The following FMN1 variants were observed in gnomAD, a reference collection of about 807,000 sequenced individuals.
The protein encoded by FMN1 is formin-1.
FMN1 carries 110 observed loss-of-function variants against 132.4 expected under a neutral mutation model. The observed-to-expected ratio is 0.83, with a 90% CI of 0.71 to 0.97. The LOEUF is 0.97. Ranked by LOEUF, FMN1 falls within the 50% of genes least tolerant of loss-of-function variation. The pLI is 0.00. For synonymous variants in FMN1, 722 were observed against 651.7 expected, an observed-to-expected ratio of 1.11 and a Z score of -1.64; for missense variants, 1,792 against 1,705.3, an observed-to-expected ratio of 1.05 and a Z score of -0.90.
intron 6 of FMN1, among the ~76,000 whole-genome samples, chr15:33,018,591 C>A (rs2035214595): frequency 1.3e-5 from 2 of 152,298 alleles, no homozygotes; most frequent in East Asian, 3.9e-4. Context: ...TACGGCCCTT[C>A]CCCCGTACCT....
chr15:32,916,742 G>T (rs770647976), intron 10 of FMN1, among the ~76,000 whole-genome samples: 1 of 152,206 alleles, frequency 6.6e-6, no homozygotes, highest in Non-Finnish European at 1.5e-5. Context: ...AGCAAAGTTT[G>T]ATAGGATTAC....
intron 6 of FMN1, among the ~76,000 whole-genome samples, chr15:33,021,327 T>C (rs1194791704): frequency 1.3e-5 from 2 of 151,594 alleles, no homozygotes; most frequent in African/African-American, 4.8e-5. Context: ...ATTACAGCAA[T>C]AGCTGATGAA....
At chr15:33,090,101 T>C (rs2141364769) in intron 4 of FMN1, among the ~76,000 whole-genome samples, 1 of 152,352 alleles carries the variant, frequency 6.6e-6, no homozygotes, top group East Asian at 1.9e-4. Context: ...CCTAGTCCTC[T>C]TTTAATTCCT....
chr15:32,883,182 C>T (rs1567321680), intron 16 of FMN1, among the ~76,000 whole-genome samples: 2 of 152,046 alleles, frequency 1.3e-5, no homozygotes, highest in East Asian at 1.9e-4. Context: ...ACACATAACC[C>T]CAAATGAAAA....
chr15:32,959,272 A>G (rs2030224433), intron 9 of FMN1, among the ~76,000 whole-genome samples: 1 of 152,140 alleles, frequency 6.6e-6, no homozygotes, highest in Admixed American at 6.6e-5. Flanking sequence ...GAAACTCCTC[A>G]GCTGCTCACC....
intron 7 of FMN1, among the ~76,000 whole-genome samples, chr15:32,989,531 G>C (rs887802080): frequency 6.6e-6 from 1 of 151,710 alleles, no homozygotes; most frequent in Non-Finnish European, 1.5e-5. Context: ...ACCCTTTGTA[G>C]TCAAGTGCAG....
At chr15:32,830,952 A>C (rs1258769) in intron 17 of FMN1, among the ~76,000 whole-genome samples, 58,770 of 151,908 alleles carry the variant, frequency 0.39, 13,899 homozygotes, top group Non-Finnish European at 0.51. Flanking sequence ...TGTATCCTCC[A>C]AACACCCCCC....
intron 2 of FMN1, among the ~76,000 whole-genome samples, chr15:33,193,663 A>C (rs940152138): frequency 6.6e-5 from 10 of 152,076 alleles, no homozygotes; most frequent in Non-Finnish European, 1.0e-4. Context: ...GCCCATTCGG[A>C]GTGTGTGAGT....
chr15:33,015,626 C>A (rs1326436070), intron 6 of FMN1, among the ~76,000 whole-genome samples: 1 of 152,110 alleles, frequency 6.6e-6, no homozygotes, highest in Non-Finnish European at 1.5e-5. Context: ...CCCGCGGATC[C>A]TGATATGTCC....
In FMN1 at chr15:32,930,979, C is replaced by T. The variant is rs79778093; in HGVS notation, c.3139-4718G>A. Among the ~76,000 whole-genome samples the T allele has an allele frequency of 8.4e-3, 1,281 of 152,118 alleles. 14 individuals are homozygous for T. Among genetic ancestry groups the T allele is most frequent in the African/African-American group, 0.029 (1,223 of 41,508 alleles). ...TTCCACATTGTACAGTCTTGGCACC[C>T]TTGTCAAAGAACATTTGCCTGTATA... On this transcript the variant is annotated intron_variant, in intron 9 of 20. Transcript: ENST00000616417.
chr15:33,138,410 G>A (rs1963864647), intron 4 of FMN1, among the ~76,000 whole-genome samples: 1 of 152,040 alleles, frequency 6.6e-6, no homozygotes, highest in Admixed American at 6.6e-5. Context: ...GGCCTATGCA[G>A]GTGTCCCTAT....
intron 12 of FMN1, among the ~76,000 whole-genome samples, chr15:32,902,629 G>A (rs1416928072): frequency 1.3e-5 from 2 of 152,198 alleles, no homozygotes; most frequent in Non-Finnish European, 2.9e-5. Context: ...TTACAACTCA[G>A]TATTTAGAAC....
chr15:33,064,878 TGA>T lies in FMN1; in HGVS notation c.2161+77_2161+78del, dbSNP rs956343623. 1.0e-4 allele frequency: 97 copies of T among 962,438 alleles called. 1 individual carries two copies. The African/African-American group carries it at 1.4e-3, about 14-fold the overall frequency. The allele number at this position is 962,438 out of a possible 1,614,324, so 59.6% of individuals were successfully genotyped here. On this transcript the variant is annotated intron_variant, in intron 6 of 20. Transcript: ENST00000616417. Reference sequence around the variant, plus strand: ...TATAATGAAATAAAACCCCAAATTCTGAGAGTCAACTAAGCTAGAACTAAAAG... The same window carrying T: ...TATAATGAAATAAAACCCCAAATTCTGAGTCAACTAAGCTAGAACTAAAAG...
chr15:32,969,621 T>C (rs1258018632), intron 7 of FMN1, 144 bp from the exon 8 acceptor site: 5 of 1,024,498 alleles, frequency 4.9e-6, no homozygotes, highest in Middle Eastern at 2.6e-4. Flanking sequence ...CTTTTAAGAA[T>C]CCATAAAGGT....
rs542467878 is a variant in FMN1 at position 33,020,359 on chromosome 15, A to T, written c.2162-12284T>A. Among the ~76,000 whole-genome samples the T allele has an allele frequency of 6.6e-5, 10 of 151,174 alleles. No individual in the cohort carries two copies. In the South Asian group the frequency reaches 2.1e-3, roughly 32 times the overall value. On this transcript the variant is annotated intron_variant, in intron 6 of 20. Transcript: ENST00000616417. ...CCCCACCAGATTCGGTCACTATAAGACTATGTGGCCAGGCGCGGTGGCTCA... is the reference window on the plus strand; with the variant it reads ...CCCCACCAGATTCGGTCACTATAAGTCTATGTGGCCAGGCGCGGTGGCTCA...
At chr15:33,016,126 AATTAAAT>A (rs779145616) in intron 6 of FMN1, among the ~76,000 whole-genome samples, 5 of 149,404 alleles carry the variant, frequency 3.3e-5, no homozygotes, top group Admixed American at 6.7e-5. Flanking sequence ...TAAAATAACA[AATTAAAT>A]AATAGTAAAA....
Position 32,771,539 on chromosome 15 carries a change from C to G in FMN1, c.*2771G>C, listed in dbSNP as rs990332154. On this transcript the variant is annotated 3_prime_UTR_variant, in exon 21 of 21. Coordinates refer to ENST00000616417, the MANE Select transcript of FMN1 (RefSeq NM_001277313.2). The stretch of plus-strand genomic sequence containing the variant: ...TGTCCTCAGATTTAATGAATATTGT[C>G]TAAGAGGAGACAAAGTTGTTTGTAA... 5.3e-5 allele frequency: 8 copies of G among 152,170 alleles called. No individual in the cohort carries two copies. Among genetic ancestry groups the G allele is most frequent in the African/African-American group, 1.9e-4 (8 of 41,450 alleles). The allele number at this position is 152,170 out of a possible 1,614,324, so 9.4% of individuals were successfully genotyped here. A position where few individuals can be genotyped will look rare whatever the true frequency, so the allele number is the denominator to read the frequency against.
At chr15:33,109,172 A>C (rs148123734) in intron 4 of FMN1, among the ~76,000 whole-genome samples, 1 of 152,248 alleles carries the variant, frequency 6.6e-6, no homozygotes. Context: ...TTTAGTAACA[A>C]ACTAAAATAT....
At chr15:32,801,465 T>G (rs1377807513) in intron 18 of FMN1, among the ~76,000 whole-genome samples, 1 of 152,064 alleles carries the variant, frequency 6.6e-6, no homozygotes, top group Non-Finnish European at 1.5e-5. Flanking sequence ...ATAAAGTCGC[T>G]TCAAGAATGT....
Sources: allele counts gnomAD v4.1 joint callset (sites outside exome capture counted in the v4.1 genomes callset), GRCh38; gene constraint gnomAD v4.1.1; transcripts MANE v1.5; gene names NCBI Gene and HGNC (gene_info 2026-07-23, HGNC 2026-07-21).